The following KLRG1 variants were observed in gnomAD, a reference collection of about 807,000 sequenced individuals.
KLRG1 encodes the protein killer cell lectin like receptor G1.
KLRG1 carries 16 observed loss-of-function variants against 21.8 expected under a neutral mutation model. The observed-to-expected ratio is 0.73, with a 90% CI of 0.50 to 1.11. The LOEUF (loss-of-function observed/expected upper bound fraction) is 1.11, where lower values mean the gene tolerates loss of function less well. Among genes scored for constraint, KLRG1 ranks in the 50% most tolerant of loss-of-function variants. The probability of loss-of-function intolerance (pLI) is 0.00; values close to 1 mark genes in which losing one functional copy is unlikely to be tolerated. For missense variants in KLRG1, 173 were observed against 218.3 expected, an observed-to-expected ratio of 0.79 and a Z score of 1.31; for synonymous variants, 69 against 75.9, an observed-to-expected ratio of 0.91 and a Z score of 0.47.
chr12:9,153,980 AG>A, the KLRG1 span, among the ~76,000 whole-genome samples: 1 of 152,248 alleles, frequency 6.6e-6, no homozygotes, highest in African/African-American at 2.4e-5. Flanking sequence ...AGAGAAAGTA[AG>A]AAGAGCACTC....
At chr12:9,140,417 C>G in the KLRG1 span, among the ~76,000 whole-genome samples, 3 of 152,122 alleles carry the variant, frequency 2.0e-5, no homozygotes, top group Non-Finnish European at 4.4e-5. Context: ...GAGATAGAAG[C>G]AACATTCCTT....
intron 1 of KLRG1, among the ~76,000 whole-genome samples, chr12:8,966,385 A>G (rs1035062306): frequency 2.0e-5 from 3 of 152,118 alleles, no homozygotes. Context: ...AGAAACTATC[A>G]TCAGAGTGAA....
chr12:9,160,177 C>T, the KLRG1 span: 2 of 1,099,002 alleles, frequency 1.8e-6, no homozygotes, highest in South Asian at 1.5e-5. Context: ...TCAAACACAA[C>T]ATCCTATTAG....
the KLRG1 span, chr12:9,182,049 A>G: frequency 6.2e-7 from 1 of 1,613,890 alleles, no homozygotes; most frequent in Non-Finnish European, 8.5e-7. Context: ...AAAATGGCAA[A>G]GATGAACATT....
the KLRG1 span, among the ~76,000 whole-genome samples, chr12:9,195,847 A>G: frequency 6.8e-6 from 1 of 147,126 alleles, no homozygotes; most frequent in Non-Finnish European, 1.5e-5. Flanking sequence ...GTTAAAATAT[A>G]TAAGTTAAAC....
At chr12:9,045,145 A>T in the KLRG1 span, among the ~76,000 whole-genome samples, 1 of 152,206 alleles carries the variant, frequency 6.6e-6, no homozygotes, top group Non-Finnish European at 1.5e-5. Context: ...AAGGAAAAAA[A>T]ACTGAAATAC....
At chr12:9,011,587 C>T (rs1947632857), downstream of KLRG1, among the ~76,000 whole-genome samples, 1 of 152,106 alleles carries the variant, frequency 6.6e-6, no homozygotes, top group South Asian at 2.1e-4. Flanking sequence ...AAGAAGCCTC[C>T]ACTGATTTTT....
At chr12:9,025,451 A>G in the KLRG1 span, among the ~76,000 whole-genome samples, 1 of 152,192 alleles carries the variant, frequency 6.6e-6, no homozygotes, top group Non-Finnish European at 1.5e-5. Context: ...AGTCTGGCCA[A>G]CATGGTGAAA....
the KLRG1 span, among the ~76,000 whole-genome samples, chr12:9,045,680 GAGAA>G: frequency 2.6e-5 from 4 of 152,110 alleles, no homozygotes; most frequent in East Asian, 3.9e-4. Flanking sequence ...CTCTAAGAAA[GAGAA>G]AGAAAGAAAT....
At chr12:9,091,232 G>A in the KLRG1 span, 36 of 1,614,172 alleles carry the variant, frequency 2.2e-5, no homozygotes, top group Non-Finnish European at 2.8e-5. Flanking sequence ...GTTTAGGACC[G>A]TGGCCTTGAG....
At chr12:9,101,263 C>A in the KLRG1 span, 2 of 1,514,260 alleles carry the variant, frequency 1.3e-6, no homozygotes, top group Non-Finnish European at 1.8e-6. Flanking sequence ...ACGCTTCAGT[C>A]TCACTTCAAT....
At chr12:9,069,258 C>G in the KLRG1 span, among the ~76,000 whole-genome samples, 1 of 152,168 alleles carries the variant, frequency 6.6e-6, no homozygotes, top group African/African-American at 2.4e-5. Context: ...AACTATAATT[C>G]CCATCAACTT....
the KLRG1 span, among the ~76,000 whole-genome samples, chr12:9,175,895 T>A: frequency 6.6e-6 from 1 of 152,166 alleles, no homozygotes; most frequent in Non-Finnish European, 1.5e-5. Flanking sequence ...TGGAAGAAAG[T>A]GTGGTGATTC....
the KLRG1 span, chr12:9,149,569 C>T: frequency 6.2e-7 from 1 of 1,612,806 alleles, no homozygotes; most frequent in South Asian, 1.1e-5. Context: ...ACCTGTGCTG[C>T]AGGGGGCGAT....
At chr12:9,202,220 T>G in the KLRG1 span, 1 of 1,106,206 alleles carries the variant, frequency 9.0e-7, no homozygotes, top group Non-Finnish European at 1.3e-6. Context: ...CAAAAACAAG[T>G]GTCTTTCATC....
the KLRG1 span, among the ~76,000 whole-genome samples, chr12:9,172,081 A>G: frequency 0.6 from 90,452 of 151,910 alleles, 27,874 homozygotes; most frequent in East Asian, 0.83. Flanking sequence ...CATGTTAAGG[A>G]CACCTAGAGA....
chr12:9,169,461 C>T, the KLRG1 span: 1 of 1,609,458 alleles, frequency 6.2e-7, no homozygotes, highest in African/African-American at 1.3e-5. Context: ...TGCTTCATTA[C>T]TTGATAAGGG....
At chr12:9,197,725 A>AATAT in the KLRG1 span, among the ~76,000 whole-genome samples, 2 of 80,966 alleles carry the variant, frequency 2.5e-5, no homozygotes, top group African/African-American at 1.1e-4. Context: ...CATAATATAT[A>AATAT]TAATTATATA....
the KLRG1 span, among the ~76,000 whole-genome samples, chr12:9,134,119 TC>T: frequency 6.6e-6 from 1 of 152,194 alleles, no homozygotes; most frequent in East Asian, 1.9e-4. Context: ...ACAGAACTCT[TC>T]TTTCCCTGGT....
Sources: gnomAD v4.1 joint callset for allele counts (sites outside exome capture counted in the v4.1 genomes callset) on GRCh38, gnomAD v4.1.1 for gene constraint, MANE v1.5 for transcripts, NCBI Gene and HGNC (gene_info 2026-07-23, HGNC 2026-07-21) for gene names.